The following GNG12 variants were observed in gnomAD, a reference collection of about 807,000 sequenced individuals.
GNG12 encodes guanine nucleotide-binding protein G(I)/G(S)/G(O) subunit gamma-12.
For synonymous variants in GNG12, 28 were observed against 29.7 expected, an observed-to-expected ratio of 0.94 and a Z score of 0.19; for missense variants, 69 against 83.8, an observed-to-expected ratio of 0.82 and a Z score of 0.69.
intron 2 of GNG12, among the ~76,000 whole-genome samples, chr1:67,715,685 T>C (rs1157619579): frequency 6.6e-6 from 1 of 152,106 alleles, no homozygotes; most frequent in African/African-American, 2.4e-5. Flanking sequence ...CCAGGGACTG[T>C]ATCGTGGGCC....
intron 1 of GNG12, among the ~76,000 whole-genome samples, chr1:67,784,925 T>G (rs1373476728): frequency 2.0e-5 from 3 of 152,182 alleles, no homozygotes; most frequent in Non-Finnish European, 4.4e-5. Flanking sequence ...ACCCTGTGAA[T>G]GAGCTGGGGA....
chr1:67,789,986 A>C (rs771096269), intron 1 of GNG12, among the ~76,000 whole-genome samples: 3 of 152,234 alleles, frequency 2.0e-5, no homozygotes, highest in Non-Finnish European at 4.4e-5. Flanking sequence ...ATTAGCAAAG[A>C]AATTTTTCTG....
chr1:67,788,160 A>AT (rs1398781266), intron 1 of GNG12, among the ~76,000 whole-genome samples: 3 of 152,212 alleles, frequency 2.0e-5, no homozygotes, highest in Non-Finnish European at 4.4e-5. Flanking sequence ...ACACTGAATA[A>AT]TATTTGCAAA....
intron 2 of GNG12, among the ~76,000 whole-genome samples, chr1:67,710,195 T>C (rs1429743148): frequency 5.7e-4 from 9 of 15,856 alleles, no homozygotes; most frequent in African/African-American, 1.1e-3. Flanking sequence ...TATATAGTTA[T>C]ATATATATAG....
chr1:67,786,471 TGACA>T (rs1407106471), intron 1 of GNG12, among the ~76,000 whole-genome samples: 1 of 152,086 alleles, frequency 6.6e-6, no homozygotes, highest in Non-Finnish European at 1.5e-5. Context: ...GGAGGGACAA[TGACA>T]GACAGCCACA....
intron 2 of GNG12, among the ~76,000 whole-genome samples, chr1:67,773,603 T>C (rs3766275): frequency 0.12 from 17,700 of 152,110 alleles, 1,308 homozygotes; most frequent in African/African-American, 0.21. Context: ...GAGAGAGACA[T>C]GGAGCAAGGG....
chr1:67,773,667 G>C (rs1048988521), intron 2 of GNG12, among the ~76,000 whole-genome samples: 16 of 152,312 alleles, frequency 1.1e-4, no homozygotes, highest in African/African-American at 3.6e-4. Context: ...CCACAACACA[G>C]ACTGAGTCAT....
At position 67,704,317 on chromosome 1, in the gene GNG12, A is replaced by T. The variant is rs1345867057; in HGVS notation, c.*1134T>A. 4 of 149,984 alleles carry T rather than the reference A, an allele frequency of 2.7e-5. No individual in the cohort carries two copies. The highest frequency in any genetic ancestry group is 4.5e-5 in the Non-Finnish European group (3 of 67,352). 9.3% of individuals were successfully genotyped at this position (149,984 alleles called of 1,614,324 possible). A position where few individuals can be genotyped will look rare whatever the true frequency, so the allele number is the denominator to read the frequency against. On this transcript the variant is annotated 3_prime_UTR_variant, in exon 4 of 4. Transcript: ENST00000370982. Reference sequence around the variant, plus strand: ...GAGCTTAAGCATCCTGACAGCTTGCATTTTTTTTTTAATTTTTTTTTTCCT... The same window carrying T: ...GAGCTTAAGCATCCTGACAGCTTGCTTTTTTTTTTTAATTTTTTTTTTCCT...
rs140485234 is a variant in GNG12 at position 67,774,373 on chromosome 1, T to C, written c.-27+3085A>G. On this transcript the variant is annotated intron_variant, in intron 2 of 3. Coordinates refer to ENST00000370982, the MANE Select transcript of GNG12 (RefSeq NM_018841.6). Reference sequence around the variant, plus strand: ...TCTTAATTGCATTATTTTACACCTATGTTTAAAGGCCATCTCAAAAATCTT... The same window carrying C: ...TCTTAATTGCATTATTTTACACCTACGTTTAAAGGCCATCTCAAAAATCTT... 2.7e-3 allele frequency among the ~76,000 whole-genome samples: 409 copies of C among 152,314 alleles called. 1 individual carries two copies. Among genetic ancestry groups the C allele is most frequent in the Admixed American group, 6.3e-3 (97 of 15,296 alleles).
intron 1 of GNG12, among the ~76,000 whole-genome samples, chr1:67,809,041 TA>T (rs1376492291): frequency 1.3e-5 from 2 of 152,136 alleles, no homozygotes; most frequent in Non-Finnish European, 2.9e-5. Context: ...AGACTTATTA[TA>T]AAGCTAGAGA....
intron 1 of GNG12, among the ~76,000 whole-genome samples, chr1:67,815,219 CTT>C (rs1646946726): frequency 6.6e-6 from 1 of 152,190 alleles, no homozygotes; most frequent in South Asian, 2.1e-4. Flanking sequence ...TGAATGAGAA[CTT>C]TACAGGTTGC....
intron 1 of GNG12, among the ~76,000 whole-genome samples, chr1:67,794,287 G>T (rs1646817315): frequency 6.6e-6 from 1 of 152,186 alleles, no homozygotes; most frequent in Non-Finnish European, 1.5e-5. Context: ...GGAGAGATGG[G>T]AGCTGTAGTT....
chr1:67,798,325 C>T (rs1290905103), intron 1 of GNG12, among the ~76,000 whole-genome samples: 2 of 152,178 alleles, frequency 1.3e-5, no homozygotes, highest in Non-Finnish European at 2.9e-5. Flanking sequence ...GAGAATCTAA[C>T]TTAACTCCTG....
intron 2 of GNG12, among the ~76,000 whole-genome samples, chr1:67,733,804 T>C (rs992675980): frequency 3.3e-5 from 5 of 152,180 alleles, no homozygotes; most frequent in Admixed American, 1.3e-4. Flanking sequence ...TATCTGCCTG[T>C]TGCAGGACTT....
At chr1:67,824,789 T>C (rs1425847748) in intron 1 of GNG12, among the ~76,000 whole-genome samples, 1 of 152,184 alleles carries the variant, frequency 6.6e-6, no homozygotes, top group East Asian at 1.9e-4. Context: ...GGTTCTCATG[T>C]GAAAGTCAGT....
At chr1:67,833,255 G>T in intron 1 of GNG12, 89 bp downstream of exon 1, 1 of 298,856 alleles carries the variant, frequency 3.3e-6, no homozygotes, top group Non-Finnish European at 5.0e-6. Flanking sequence ...CTCGGAGGCG[G>T]CCCCCGAACT....
chr1:67,819,118 A>T (rs1646971423), intron 1 of GNG12, among the ~76,000 whole-genome samples: 1 of 152,150 alleles, frequency 6.6e-6, no homozygotes, highest in South Asian at 2.1e-4. Context: ...GCATGGGGGT[A>T]GGGAGAAGCA....
At chr1:67,828,174 TG>T (rs999653577) in intron 1 of GNG12, among the ~76,000 whole-genome samples, 5 of 152,192 alleles carry the variant, frequency 3.3e-5, no homozygotes, top group Non-Finnish European at 5.9e-5. Context: ...TGGGCCTTTG[TG>T]TGCGCTTCAG....
At chr1:67,723,761 C>T (rs1201691108) in intron 2 of GNG12, among the ~76,000 whole-genome samples, 1 of 152,188 alleles carries the variant, frequency 6.6e-6, no homozygotes, top group African/African-American at 2.4e-5. Context: ...CACTCTAATC[C>T]TGGCAGCCTG....
Sources: allele counts gnomAD v4.1 joint callset (sites outside exome capture counted in the v4.1 genomes callset), GRCh38; gene constraint gnomAD v4.1.1; transcripts MANE v1.5; gene names NCBI Gene and HGNC (gene_info 2026-07-23, HGNC 2026-07-21).